HOXA3: variants seen among roughly 807,000 people sequenced by gnomAD.
HOXA3 encodes homeobox protein Hox-A3.
HOXA3 carries 8 observed loss-of-function variants against 30.3 expected under a neutral mutation model. The observed-to-expected ratio is 0.26, with a 90% CI of 0.15 to 0.48. The LOEUF (loss-of-function observed/expected upper bound fraction) is 0.48, where lower values mean the gene tolerates loss of function less well. Among genes scored for constraint, HOXA3 ranks in the 20% least tolerant of loss-of-function variants. HOXA3 has a pLI of 0.99. For synonymous variants in HOXA3, 323 were observed against 273.1 expected, an observed-to-expected ratio of 1.18 and a Z score of -1.80; for missense variants, 653 against 614.4, an observed-to-expected ratio of 1.06 and a Z score of -0.66.
At chr7:27,152,227 G>A (rs1433790678) in intron 1 of HOXA3, 61 bp downstream of exon 1, 7 of 1,149,902 alleles carry the variant, frequency 6.1e-6, no homozygotes, top group African/African-American at 1.6e-5. Context: ...CTCTCCCACC[G>A]CTACCGCCGC....
intron 5 of HOXA3, 35 bp downstream of exon 5, chr7:27,110,080 G>A: frequency 6.2e-7 from 1 of 1,613,684 alleles, no homozygotes; most frequent in Non-Finnish European, 8.5e-7. Flanking sequence ...CAGGAGCCAG[G>A]CCAGAGGACC....
chr7:27,139,024 A>G (rs930716856), intron 2 of HOXA3, among the ~76,000 whole-genome samples: 1 of 152,130 alleles, frequency 6.6e-6, no homozygotes, highest in African/African-American at 2.4e-5. Flanking sequence ...AATTTCTCCA[A>G]TCTTAATGTT....
chr7:27,108,469 C>G lies in HOXA3; in HGVS notation c.778G>C (p.Gly260Arg), dbSNP rs761246075. 1.2e-6 allele frequency: 2 copies of G among 1,614,108 alleles called. No individual in the cohort carries two copies. ...QKGKGMLTSS[G>R]GQSPSRSPVP... ...GGGCTGCGACTTGGAGACTGGCCCC[C>G]CGATGACGTTAGCATGCCCTTGCCC... Residue 260 changes from glycine to arginine, a missense_variant, in exon 6 of 6, where the codon GGG (glycine) becomes CGG (arginine). Physicochemically the swap from Gly to Arg is moderately radical, Grantham distance 125. Around this residue, in one of 3 missense-constraint regions of HOXA3, gnomAD observed 330 missense variants for 274.4 expected, o/e 1.20. Coordinates refer to ENST00000612286, the MANE Select transcript of HOXA3 (RefSeq NM_153631.3). This position sits in a 1 kb window ranked among gnomAD's most constrained non-coding sequence, Gnocchi z 5.0.
chr7:27,108,772 C>T lies in HOXA3; in HGVS notation c.527-52G>A. On this transcript the variant is annotated intron_variant, in intron 5 of 5. Transcript: ENST00000612286. The surrounding 1 kb of genome is among the most constrained non-coding windows in gnomAD (Gnocchi z 5.0). Reference sequence around the variant, plus strand: ...GCGTCAGGGGCTGCCGCGGCCCCGCCCAGCCCCTGACCCAGCCCGGCCCCT... The same window carrying T: ...GCGTCAGGGGCTGCCGCGGCCCCGCTCAGCCCCTGACCCAGCCCGGCCCCT... The T allele has an allele frequency of 7.1e-7, 1 of 1,415,380 alleles. No individual in the cohort carries two copies. Among genetic ancestry groups the T allele is most frequent in the Non-Finnish European group, 9.5e-7 (1 of 1,050,412 alleles). 87.7% of individuals were successfully genotyped at this position (1,415,380 alleles called of 1,614,324 possible). A position where few individuals can be genotyped will look rare whatever the true frequency, so the allele number is the denominator to read the frequency against.
Position 27,108,590 on chromosome 7 carries a change from C to A in HOXA3, c.657G>T (p.Pro219=). The change falls in exon 6 of 6, where the codon CCG becomes CCT. Residue 219 remains proline (P), a synonymous_variant. Transcript: ENST00000612286. The surrounding 1 kb of genome is among the most constrained non-coding windows in gnomAD (Gnocchi z 5.0). ...GCAGATTGGCCATCTCCACCCGGCG[C>A]GGCCGGCACAGGTAGCGGTTGAAGT... The part of the protein sequence containing the change: ...EFHFNRYLCR[P]RRVEMANLLN... The A allele has an allele frequency of 1.2e-6, 2 of 1,614,190 alleles. No homozygotes were observed. The highest frequency in any genetic ancestry group is 1.7e-6 in the Non-Finnish European group (2 of 1,180,006).
At chr7:27,139,302 G>C (rs1342660834) in intron 2 of HOXA3, among the ~76,000 whole-genome samples, 2 of 152,214 alleles carry the variant, frequency 1.3e-5, no homozygotes, top group Admixed American at 6.5e-5. Flanking sequence ...TTCAGGGCCT[G>C]GTCCCGGGTG....
chr7:27,144,953 G>A (rs1205582734), intron 1 of HOXA3, among the ~76,000 whole-genome samples: 2 of 152,208 alleles, frequency 1.3e-5, no homozygotes, highest in Admixed American at 1.3e-4. Flanking sequence ...GCGGGAATCC[G>A]GAGCCGGGAG....
In HOXA3 at chr7:27,108,359, G is replaced by A. The variant is rs1317000135; in HGVS notation, c.888C>T (p.Pro296=). The change falls in exon 6 of 6, where the codon CCC becomes CCT. Residue 296 remains proline (P), a synonymous_variant. Transcript: ENST00000612286. The surrounding 1 kb of genome is among the most constrained non-coding windows in gnomAD (Gnocchi z 5.0). ...AGGTACCCTGGGGGGGCTTGGAGAA[G>A]GGCGGGGGCGACTGGGGCTCATACG... is the stretch of plus-strand genomic sequence containing the variant. ...SVPYEPQSPP[P]FSKPPQGTYG... 1 of 1,540,120 alleles carries A rather than the reference G, an allele frequency of 6.5e-7. No homozygotes were observed. Among genetic ancestry groups the A allele is most frequent in the Admixed American group, 1.7e-5 (1 of 57,354 alleles).
At chr7:27,110,795 C>T (rs2128040499) in intron 4 of HOXA3, 35 bp from the exon 5 acceptor site, 2 of 1,078,082 alleles carry the variant, frequency 1.9e-6, no homozygotes, top group South Asian at 1.5e-5. Flanking sequence ...GGTGAGGGCT[C>T]CGCGCAAATC....
At chr7:27,115,158 A>C (rs1463363817) in intron 4 of HOXA3, among the ~76,000 whole-genome samples, 1 of 151,782 alleles carries the variant, frequency 6.6e-6, no homozygotes, top group Non-Finnish European at 1.5e-5. Context: ...TTAAACTGTC[A>C]AGGAGCCAAA....
Position 27,107,048 on chromosome 7 carries a change from G to C in HOXA3, c.*867C>G, listed in dbSNP as rs1202521375. ...AAACTTTATTTCTTTTTGTTTCTCA[G>C]AATGTGAGCAGCAAGGAATGAAGAA... On this transcript the variant is annotated 3_prime_UTR_variant, in exon 6 of 6. Transcript: ENST00000612286. 5.2e-5 allele frequency: 8 copies of C among 152,680 alleles called. No homozygotes were observed. The highest frequency in any genetic ancestry group is 3.9e-4 in the East Asian group (2 of 5,186). 9.5% of individuals were successfully genotyped at this position (152,680 alleles called of 1,614,324 possible). A position where few individuals can be genotyped will look rare whatever the true frequency, so the allele number is the denominator to read the frequency against.
chr7:27,120,155 C>T (rs1209353545), intron 4 of HOXA3, among the ~76,000 whole-genome samples: 1 of 152,096 alleles, frequency 6.6e-6, no homozygotes, highest in African/African-American at 2.4e-5. Context: ...GCAAATTCCT[C>T]CCTACCCCCA....
chr7:27,120,660 C>T (rs1190679786), intron 4 of HOXA3, among the ~76,000 whole-genome samples: 2 of 152,096 alleles, frequency 1.3e-5, no homozygotes, highest in Non-Finnish European at 2.9e-5. Context: ...CTCCAAACGG[C>T]TGCTAACATC....
At position 27,125,627 on chromosome 7, in the gene HOXA3, T is replaced by G. The variant is rs532010394; in HGVS notation, c.-205+1259A>C. ...TAGGGAAGGGGCAACACAGCAGCAG[T>G]TGAGAAAGGTGAGCCTGTGTTCTGC... On this transcript the variant is annotated intron_variant, in intron 3 of 5. Transcript: ENST00000612286. Among the ~76,000 whole-genome samples the G allele has an allele frequency of 1.2e-4, 18 of 152,320 alleles. No individual in the cohort carries two copies. The South Asian group carries it at 3.7e-3, about 32-fold the overall frequency.
chr7:27,130,182 C>G (rs1479426170), intron 2 of HOXA3: 2 of 1,588,816 alleles, frequency 1.3e-6, no homozygotes, highest in Admixed American at 1.7e-5. Flanking sequence ...TCAGGCCCAG[C>G]GGGCTCTTGT....
At chr7:27,148,745 C>A (rs1053904945) in intron 1 of HOXA3, among the ~76,000 whole-genome samples, 1 of 152,260 alleles carries the variant, frequency 6.6e-6, no homozygotes, top group South Asian at 2.1e-4. Context: ...CCCTGCCTAG[C>A]GCCTGGGGAC....
In HOXA3 at chr7:27,108,652, T is replaced by C. The variant is rs751813350; in HGVS notation, c.595A>G (p.Thr199Ala). 2 of 1,613,940 alleles carry C rather than the reference T, an allele frequency of 1.2e-6. No individual in the cohort carries two copies. Among genetic ancestry groups the C allele is most frequent in the South Asian group, 1.1e-5 (1 of 91,068 alleles). ...ASSKRARTAYTSAQLVELEKE... is the reference protein window; with the variant it reads ...ASSKRARTAYASAQLVELEKE... ...TCCAGCTCCACCAGCTGCGCGCTCG[T>C]GTAGGCCGTGCGCGCGCGCTTGGAC... Residue 199 changes from threonine (T) to alanine (A), a missense_variant, in exon 6 of 6, where the codon ACG becomes GCG. Physicochemically the swap from Thr to Ala is moderately conservative, Grantham distance 58. This residue lies in a region of HOXA3 where 320 missense variants were observed against 321.9 expected (regional missense o/e 0.99). Coordinates refer to ENST00000612286, the MANE Select transcript of HOXA3 (RefSeq NM_153631.3). This position sits in a 1 kb window ranked among gnomAD's most constrained non-coding sequence, Gnocchi z 5.0.
chr7:27,116,978 T>C (rs1784758661), intron 4 of HOXA3, among the ~76,000 whole-genome samples: 1 of 152,124 alleles, frequency 6.6e-6, no homozygotes. Flanking sequence ...AAATAATCTA[T>C]ATTTTAAGAA....
chr7:27,141,703 A>T, intron 1 of HOXA3: 1 of 1,144,264 alleles, frequency 8.7e-7, no homozygotes, highest in Non-Finnish European at 1.2e-6. Flanking sequence ...GCTCATGATT[A>T]AAAGATGAAT....
Sources: gnomAD v4.1 joint callset for allele counts (sites outside exome capture counted in the v4.1 genomes callset) on GRCh38, gnomAD v4.1.1 for gene constraint, gnomAD v4.1.1 regional missense constraint, Gnocchi (gnomAD v3.1) non-coding constraint, MANE v1.5 for transcripts, NCBI Gene and HGNC (gene_info 2026-07-23, HGNC 2026-07-21) for gene names.